Variants in IL1RAPL1 observed in about 807,000 individuals in gnomAD.
IL1RAPL1 encodes the protein interleukin-1 receptor accessory protein-like 1.
IL1RAPL1 carries 3 observed loss-of-function variants against 48.4 expected under a neutral mutation model. The ratio of observed to expected loss-of-function variants is 0.06; its 90% confidence interval spans 0.03 to 0.16. IL1RAPL1 has a LOEUF of 0.16. Ranked by LOEUF, IL1RAPL1 falls within the 10% of genes least tolerant of loss-of-function variation. IL1RAPL1 has a pLI of 1.00. For missense variants in IL1RAPL1, 349 were observed against 530.6 expected, an observed-to-expected ratio of 0.66 and a Z score of 3.36; for synonymous variants, 185 against 187.7, an observed-to-expected ratio of 0.99 and a Z score of 0.12.
chrX:29,555,390 T>A (rs752358248), intron 5 of IL1RAPL1, among the ~76,000 whole-genome samples: 1 of 112,334 alleles, frequency 8.9e-6, no homozygotes, highest in South Asian at 3.7e-4. Flanking sequence ...AGTCTCCTGA[T>A]GCCTCACTGA....
chrX:28,980,222 T>A (rs1925297257), intron 2 of IL1RAPL1, among the ~76,000 whole-genome samples: 1 of 112,604 alleles, frequency 8.9e-6, no homozygotes, highest in Non-Finnish European at 1.9e-5. Context: ...ACACAGTCTG[T>A]TTCACAAATG....
At chrX:29,398,338 A>G (rs2147687439) in intron 4 of IL1RAPL1, among the ~76,000 whole-genome samples, 1 of 112,454 alleles carries the variant, frequency 8.9e-6, no homozygotes, top group Non-Finnish European at 1.9e-5. Context: ...TTTAGAAACA[A>G]TATTACCCCT....
chrX:29,241,961 A>G (rs1194867975), intron 2 of IL1RAPL1, among the ~76,000 whole-genome samples: 5 of 111,642 alleles, frequency 4.5e-5, no homozygotes, highest in African/African-American at 1.6e-4. Context: ...GCCCAGAGAC[A>G]CAGTCTACCC....
chrX:29,617,899 C>G (rs1428441598), intron 5 of IL1RAPL1, among the ~76,000 whole-genome samples: 1 of 111,603 alleles, frequency 9.0e-6, no homozygotes, highest in East Asian at 2.8e-4. Context: ...GAAATCAGCT[C>G]TCAAATAAGA....
rs1219119180 is a variant in IL1RAPL1 at position 29,390,926 on chromosome X, C to T, written c.363-5332C>T. Among the ~76,000 whole-genome samples the T allele has an allele frequency of 2.7e-5, 3 of 111,610 alleles. No homozygotes were observed. In the East Asian group the frequency reaches 8.4e-4, roughly 31 times the overall value. On this transcript the variant is annotated intron_variant, in intron 3 of 10. Coordinates refer to ENST00000378993, the MANE Select transcript of IL1RAPL1 (RefSeq NM_014271.4). ...CAGTGGCTCATGCCTGTAATCCCAG[C>T]ACTTTGGGAGGCTGAGGCAGGTAGA...
At chrX:28,932,845 T>C (rs1207712593) in intron 2 of IL1RAPL1, among the ~76,000 whole-genome samples, 1 of 111,118 alleles carries the variant, frequency 9.0e-6, no homozygotes, top group Non-Finnish European at 1.9e-5. Flanking sequence ...TATTTCCTTA[T>C]GATATTTTAA....
At chrX:28,706,235 A>G (rs1033405591) in intron 1 of IL1RAPL1, among the ~76,000 whole-genome samples, 3 of 111,936 alleles carry the variant, frequency 2.7e-5, no homozygotes, top group African/African-American at 9.7e-5. Context: ...TGCCTACAGT[A>G]TTCAGTACAG....
intron 5 of IL1RAPL1, among the ~76,000 whole-genome samples, chrX:29,432,968 A>C (rs1322776728): frequency 9.0e-6 from 1 of 110,719 alleles, no homozygotes; most frequent in African/African-American, 3.3e-5. Flanking sequence ...GTGTTTCTCA[A>C]CCTTTTAAAA....
chrX:28,654,721 T>C (rs753886582), intron 1 of IL1RAPL1, among the ~76,000 whole-genome samples: 1 of 111,998 alleles, frequency 8.9e-6, no homozygotes, highest in South Asian at 3.7e-4. Flanking sequence ...TCAGACATCA[T>C]TGATGTTTGC....
chrX:29,692,532 G>A (rs866137234), intron 6 of IL1RAPL1, among the ~76,000 whole-genome samples: 3 of 111,502 alleles, frequency 2.7e-5, no homozygotes, highest in Admixed American at 9.6e-5. Context: ...TTTCTAATAC[G>A]TATTTGTAAT....
At chrX:29,897,003 G>A in intron 6 of IL1RAPL1, among the ~76,000 whole-genome samples, 1 of 98,270 alleles carries the variant, frequency 1.0e-5, no homozygotes. Context: ...GACCTAGCAA[G>A]TTGGCACATT....
intron 2 of IL1RAPL1, among the ~76,000 whole-genome samples, chrX:28,823,632 G>A (rs745902841): frequency 1.8e-5 from 2 of 111,802 alleles, no homozygotes; most frequent in East Asian, 5.7e-4. Flanking sequence ...AAATTAAGGT[G>A]TCAGCACAAC....
rs745317897 is a variant in IL1RAPL1, at chrX:29,711,069, T to TACACACACACACACACAC, written c.778+42569_778+42586dup. 3.9e-3 allele frequency among the ~76,000 whole-genome samples: 335 copies of TACACACACACACACACAC among 86,427 alleles called. 1 individual carries two copies. Among genetic ancestry groups the TACACACACACACACACAC allele is most frequent in the African/African-American group, 0.012 (279 of 23,934 alleles). 75.1% of individuals were successfully genotyped at this position (86,427 alleles called of 115,157 possible). ...GTGTGTGTGTGTGTGTGTGTGTGTATACACACACACACACACACACAGATA... is the reference window on the plus strand; with the variant it reads ...GTGTGTGTGTGTGTGTGTGTGTGTATACACACACACACACACACACACACACACACACACACACAGATA... On this transcript the variant is annotated intron_variant, in intron 6 of 10. Transcript: ENST00000378993.
chrX:28,769,963 G>A (rs772063487), intron 1 of IL1RAPL1, among the ~76,000 whole-genome samples: 4 of 111,792 alleles, frequency 3.6e-5, no homozygotes, highest in Non-Finnish European at 7.5e-5. Context: ...CTTAATGTAT[G>A]AGCTATATAG....
chrX:29,619,795 T>G (rs1014508302), intron 5 of IL1RAPL1, among the ~76,000 whole-genome samples: 1 of 111,896 alleles, frequency 8.9e-6, no homozygotes, highest in Non-Finnish European at 1.9e-5. Flanking sequence ...GCTGTTTTTT[T>G]GTTAATACTT....
chrX:29,186,979 G>C (rs897981334), intron 2 of IL1RAPL1, among the ~76,000 whole-genome samples: 1 of 110,742 alleles, frequency 9.0e-6, no homozygotes, highest in African/African-American at 3.3e-5. Context: ...TGGAGTTGGG[G>C]GGGAGGGAGA....
intron 2 of IL1RAPL1, among the ~76,000 whole-genome samples, chrX:28,873,523 C>CTTTTTTTTTTTTTTTT (rs10554661): frequency 1.1e-4 from 6 of 56,661 alleles, no homozygotes; most frequent in African/African-American, 4.8e-4. Flanking sequence ...TTCTTTCTTT[C>CTTTTTTTTTTTTTTTT]TTTTTTTTTT....
chrX:29,281,340 A>C (rs1211789919), intron 2 of IL1RAPL1, among the ~76,000 whole-genome samples: 1 of 111,721 alleles, frequency 9.0e-6, no homozygotes, highest in Non-Finnish European at 1.9e-5. Context: ...AGTAAAATTC[A>C]CAACTTCTCT....
At chrX:28,677,917 A>C (rs2146917953) in intron 1 of IL1RAPL1, among the ~76,000 whole-genome samples, 1 of 111,200 alleles carries the variant, frequency 9.0e-6, no homozygotes, top group African/African-American at 3.3e-5. Context: ...AATTTCAGGA[A>C]GTTGCAGAGC....
Sources: gnomAD v4.1 joint callset for allele counts (sites outside exome capture counted in the v4.1 genomes callset) on GRCh38, gnomAD v4.1.1 for gene constraint, MANE v1.5 for transcripts, NCBI Gene and HGNC (gene_info 2026-07-23, HGNC 2026-07-21) for gene names.